The following KDM4A variants were observed in gnomAD, a reference collection of about 807,000 sequenced individuals.
KDM4A encodes lysine demethylase 4A, also known as lysine-specific demethylase 4A.
KDM4A carries 23 observed loss-of-function variants against 127.1 expected under a neutral mutation model. The observed-to-expected ratio is 0.18, with a 90% CI of 0.13 to 0.26. KDM4A has a LOEUF of 0.26. Ranked by LOEUF, KDM4A falls within the 10% of genes least tolerant of loss-of-function variation. The pLI is 1.00. For missense variants in KDM4A, 890 were observed against 1,329.1 expected (o/e 0.67, Z 5.14); for synonymous variants, 443 against 466.5 (o/e 0.95, Z 0.65).
At chr1:43,698,754 T>C (rs1167860325) in intron 19 of KDM4A, among the ~76,000 whole-genome samples, 2 of 152,226 alleles carry the variant, frequency 1.3e-5, no homozygotes, top group East Asian at 3.8e-4. Context: ...AAAGGCGACA[T>C]TAGTAGTACT....
chr1:43,678,733 A>G (rs973993162), intron 11 of KDM4A, among the ~76,000 whole-genome samples: 1 of 151,954 alleles, frequency 6.6e-6, no homozygotes, highest in African/African-American at 2.4e-5. Flanking sequence ...GACTATAGGC[A>G]TGTGCCATCA....
At chr1:43,687,926 G>T (rs576257868) in intron 12 of KDM4A, among the ~76,000 whole-genome samples, 1 of 152,120 alleles carries the variant, frequency 6.6e-6, no homozygotes, top group South Asian at 2.1e-4. Context: ...GCATACCTAG[G>T]AGACACCATC....
At chr1:43,660,208 C>A in intron 3 of KDM4A, 90 bp from the exon 4 acceptor site, 1 of 1,368,434 alleles carries the variant, frequency 7.3e-7, no homozygotes, top group Non-Finnish European at 1.0e-6. Context: ...TTCTTGCTGT[C>A]ACTGGAATAG....
chr1:43,656,518 AGTAGAG>A (rs1444438579), intron 3 of KDM4A, among the ~76,000 whole-genome samples: 1 of 150,528 alleles, frequency 6.6e-6, no homozygotes, highest in African/African-American at 2.4e-5. Context: ...TTGTATTTTC[AGTAGAG>A]ACAGGGTTTC....
At chr1:43,661,632 A>AG (rs71579303) in intron 4 of KDM4A, among the ~76,000 whole-genome samples, 40,864 of 105,952 alleles carry the variant, frequency 0.39, 11,596 homozygotes, top group African/African-American at 0.5. Context: ...AAAAAAAAAA[A>AG]AAAAAAAAGA....
chr1:43,656,107 A>G (rs1368578966), intron 3 of KDM4A, among the ~76,000 whole-genome samples: 2 of 152,156 alleles, frequency 1.3e-5, no homozygotes, highest in Non-Finnish European at 2.9e-5. Flanking sequence ...AAAGTGCTTT[A>G]GTTCCACTTC....
In KDM4A at chr1:43,661,750, C is replaced by T. The variant is rs1238924062; in HGVS notation, c.430-1144C>T. Among the ~76,000 whole-genome samples the T allele has an allele frequency of 1.7e-4, 25 of 151,284 alleles. 2 individuals carry two copies. Among genetic ancestry groups the T allele is most frequent in the Admixed American group, 1.5e-3 (23 of 15,148 alleles). On this transcript the variant is annotated intron_variant, in intron 4 of 21. Transcript: ENST00000372396. ...ATCTGGGATGGAGAGCTACAAAAGT[C>T]AGGCATAATAATAATACAGGACCTA...
At position 43,691,151 on chromosome 1, in the gene KDM4A, T is replaced by C. The variant is rs145584439; in HGVS notation, c.2242+102T>C. ...GGCCTCCCAGCCCCAAAAAGATTGT[T>C]GATGTTTTATTGGGGAGTCTGTTGC... is the stretch of plus-strand genomic sequence containing the variant. On this transcript the variant is annotated intron_variant, in intron 14 of 21. Transcript: ENST00000372396. 1.0e-3 allele frequency: 1,239 copies of C among 1,204,280 alleles called. 9 individuals carry two copies. The African/African-American group carries it at 0.016, about 15-fold the overall frequency. 74.6% of individuals were successfully genotyped at this position (1,204,280 alleles called of 1,614,324 possible). A position where few individuals can be genotyped will look rare whatever the true frequency, so the allele number is the denominator to read the frequency against.
chr1:43,670,581 T>G (rs1400805923), intron 10 of KDM4A, among the ~76,000 whole-genome samples: 4 of 98,268 alleles, frequency 4.1e-5, no homozygotes, highest in African/African-American at 1.6e-4. Flanking sequence ...TTTTTTTTTT[T>G]GAGACGGAGT....
At chr1:43,695,750 T>C (rs1342588843) in intron 18 of KDM4A, among the ~76,000 whole-genome samples, 1 of 152,140 alleles carries the variant, frequency 6.6e-6, no homozygotes, top group Non-Finnish European at 1.5e-5. Flanking sequence ...TGGGAACACA[T>C]AGGCAGGGCT....
At chr1:43,686,669 A>T (rs1453063658) in intron 12 of KDM4A, among the ~76,000 whole-genome samples, 1 of 152,140 alleles carries the variant, frequency 6.6e-6, no homozygotes, top group Admixed American at 6.5e-5. Context: ...GTCCATGCCC[A>T]TCTTTCCCTG....
At chr1:43,696,721 ATAGT>A (rs1306098133) in intron 18 of KDM4A, among the ~76,000 whole-genome samples, 3 of 152,222 alleles carry the variant, frequency 2.0e-5, no homozygotes, top group African/African-American at 7.2e-5. Context: ...CATACACAGA[ATAGT>A]TATTTTGTGA....
intron 11 of KDM4A, among the ~76,000 whole-genome samples, chr1:43,678,972 G>A (rs1660800794): frequency 6.6e-6 from 1 of 152,144 alleles, no homozygotes; most frequent in Non-Finnish European, 1.5e-5. Flanking sequence ...GTGGCAGTAA[G>A]TACATTCACT....
intron 11 of KDM4A, 72 bp downstream of exon 11, chr1:43,671,947 T>A: frequency 6.8e-7 from 1 of 1,472,818 alleles, no homozygotes; most frequent in Non-Finnish European, 9.0e-7. Flanking sequence ...GGGATCTGTG[T>A]GGGGGAGGGA....
intron 19 of KDM4A, among the ~76,000 whole-genome samples, chr1:43,700,926 A>T (rs1005205427): frequency 2.1e-5 from 3 of 143,096 alleles, no homozygotes; most frequent in Admixed American, 7.0e-5. Flanking sequence ...TATAAATTTA[A>T]TTTTTTTTTT....
At chr1:43,691,344 C>T (rs1661105225) in intron 14 of KDM4A, 152 bp from the exon 15 acceptor site, 1 of 730,512 alleles carries the variant, frequency 1.4e-6, no homozygotes, top group Non-Finnish European at 2.4e-6. Flanking sequence ...ATACTGTATG[C>T]CTGAGCCCTG....
intron 5 of KDM4A, among the ~76,000 whole-genome samples, chr1:43,665,184 T>C (rs1660472272): frequency 6.6e-6 from 1 of 152,210 alleles, no homozygotes; most frequent in Admixed American, 6.5e-5. Flanking sequence ...TCAGTATATG[T>C]AGCTGTTGGG....
rs1047320147 is a variant in KDM4A, at chr1:43,653,158, C to T, written c.-18C>T. ...TCAGATTCCTGTCTGACTAAAGGGACCTCAAAAAGGAGGGAAAATGGCTTC... is the reference window on the plus strand; with the variant it reads ...TCAGATTCCTGTCTGACTAAAGGGATCTCAAAAAGGAGGGAAAATGGCTTC... On this transcript the variant is annotated 5_prime_UTR_variant, in exon 2 of 22. Coordinates refer to ENST00000372396, the MANE Select transcript of KDM4A (RefSeq NM_014663.3). The T allele has an allele frequency of 6.2e-7, 1 of 1,604,404 alleles. No homozygotes were observed. The highest frequency in any genetic ancestry group is 1.3e-5 in the African/African-American group (1 of 74,622).
chr1:43,669,034 T>C (rs1285328344), intron 9 of KDM4A, 66 bp from the exon 10 acceptor site: 2 of 1,539,628 alleles, frequency 1.3e-6, no homozygotes, highest in Non-Finnish European at 1.8e-6. Flanking sequence ...TGTGGATGTG[T>C]ATGAATGTGT....
Sources: gnomAD v4.1 joint callset for allele counts (sites outside exome capture counted in the v4.1 genomes callset) on GRCh38, gnomAD v4.1.1 for gene constraint, MANE v1.5 for transcripts, NCBI Gene and HGNC (gene_info 2026-07-23, HGNC 2026-07-21) for gene names.